IQGAP1: variants seen among roughly 807,000 people sequenced by gnomAD.
The protein encoded by IQGAP1 is IQ motif containing GTPase activating protein 1.
IQGAP1 carries 66 observed loss-of-function variants against 215.6 expected under a neutral mutation model. The observed-to-expected ratio is 0.31, with a 90% confidence interval of 0.25 to 0.38. The LOEUF (loss-of-function observed/expected upper bound fraction) is 0.38. Ranked by LOEUF, IQGAP1 falls within the 10% of genes least tolerant of loss-of-function variation. The probability of loss-of-function intolerance (pLI) is 1.00; values close to 1 mark genes in which losing one functional copy is unlikely to be tolerated. For missense variants in IQGAP1, 1,712 were observed against 1,997.1 expected (o/e 0.86, Z 2.72); for synonymous variants, 772 against 728.7 (o/e 1.06, Z -0.96).
At position 90,486,117 on chromosome 15, in the gene IQGAP1, A is replaced by T. The variant is rs753502137; in HGVS notation, c.4009A>T (p.Ile1337Phe). 28 of 1,613,208 alleles carry T rather than the reference A, an allele frequency of 1.7e-5. No homozygotes were observed. The South Asian group carries it at 2.4e-4, about 14-fold the overall frequency. Residue 1337 changes from isoleucine (I) to phenylalanine (F), a missense_variant, in exon 31 of 38, where the codon ATC (isoleucine) becomes TTC (phenylalanine). Physicochemically the swap from Ile to Phe is conservative, Grantham distance 21. Around this residue, in one of 2 missense-constraint regions of IQGAP1, gnomAD observed 691 missense variants for 923.0 expected, o/e 0.75. Coordinates refer to ENST00000268182, the MANE Select transcript of IQGAP1 (RefSeq NM_003870.4). The stretch of plus-strand genomic sequence containing the variant: ...GGACGACCTCGGCGAGGTGCCCACC[A>T]TCGAGTCCCTGATAGGTAGAGTTCT... ...LLDDLGEVPT[I>F]ESLIGESSGN... is the part of the protein sequence containing the mutation.
intron 2 of IQGAP1, among the ~76,000 whole-genome samples, chr15:90,424,158 G>A (rs1596259648): frequency 6.6e-6 from 1 of 151,982 alleles, no homozygotes; most frequent in East Asian, 1.9e-4. Context: ...GTAGTTGTTT[G>A]CCAGAATGAT....
At chr15:90,485,947 G>A in intron 30 of IQGAP1, 83 bp from the exon 31 acceptor site, 1 of 1,015,468 alleles carries the variant, frequency 9.8e-7, no homozygotes, top group Non-Finnish European at 1.5e-6. Context: ...GAACCTCTTT[G>A]TGCAGATCAT....
At chr15:90,407,312 A>C (rs892017941) in intron 2 of IQGAP1, among the ~76,000 whole-genome samples, 3 of 152,242 alleles carry the variant, frequency 2.0e-5, no homozygotes, top group African/African-American at 7.2e-5. Flanking sequence ...AAGATTTAGA[A>C]GAAATATAAA....
chr15:90,495,387 A>G (rs1966257865), intron 36 of IQGAP1, among the ~76,000 whole-genome samples: 2 of 152,152 alleles, frequency 1.3e-5, no homozygotes, highest in African/African-American at 4.8e-5. Flanking sequence ...GGGGGGGAAA[A>G]AAAACAACTT....
At chr15:90,420,299 T>C (rs1965114536) in intron 2 of IQGAP1, among the ~76,000 whole-genome samples, 2 of 152,166 alleles carry the variant, frequency 1.3e-5, no homozygotes, top group Admixed American at 1.3e-4. Context: ...GCTGTCTTTC[T>C]CGGTAAGTGC....
chr15:90,485,434 T>G (rs1966113495), intron 30 of IQGAP1, among the ~76,000 whole-genome samples: 1 of 151,902 alleles, frequency 6.6e-6, no homozygotes, highest in Non-Finnish European at 1.5e-5. Context: ...TTTTTTGTGT[T>G]TGTTTGTTTT....
intron 9 of IQGAP1, among the ~76,000 whole-genome samples, chr15:90,447,735 C>T (rs527992862): frequency 5.9e-5 from 9 of 151,886 alleles, no homozygotes; most frequent in Non-Finnish European, 1.3e-4. Context: ...GTTTTTTTTA[C>T]AATATATAAA....
chr15:90,437,514 A>G (rs1448647438), intron 5 of IQGAP1, among the ~76,000 whole-genome samples: 1 of 152,124 alleles, frequency 6.6e-6, no homozygotes, highest in Non-Finnish European at 1.5e-5. Flanking sequence ...GTATAAAAAT[A>G]TATAGAAAGT....
At position 90,390,209 on chromosome 15, in the gene IQGAP1, C is replaced by T. The variant is rs149478803; in HGVS notation, c.56-565C>T. Among the ~76,000 whole-genome samples, 1,408 of 152,284 alleles carry T rather than the reference C, an allele frequency of 9.2e-3. 17 individuals carry two copies. The highest frequency in any genetic ancestry group is 0.032 in the African/African-American group (1,312 of 41,568). On this transcript the variant is annotated intron_variant, in intron 1 of 37. Coordinates refer to ENST00000268182, the MANE Select transcript of IQGAP1 (RefSeq NM_003870.4). ...TGGTGCCCATGAAGGAAGCAGATTG[C>T]TTCAAGGTTAAGCTCAGGCTTTGGA... is the stretch of plus-strand genomic sequence containing the variant.
At position 90,483,560 on chromosome 15, in the gene IQGAP1, A is replaced by G. The variant is rs1465859812; in HGVS notation, c.3755A>G (p.Asn1252Ser). Residue 1252 changes from asparagine (N) to serine (S), a missense_variant, in exon 29 of 38, where the codon AAT (asparagine) becomes AGT (serine). Physicochemically the swap from Asn to Ser is conservative, Grantham distance 46. Around this residue, in one of 2 missense-constraint regions of IQGAP1, gnomAD observed 691 missense variants for 923.0 expected, o/e 0.75. Coordinates refer to ENST00000268182, the MANE Select transcript of IQGAP1 (RefSeq NM_003870.4). ...LGDNAHLSII[N>S]EYLSQSYQKF... ...GATAATGCCCACTTAAGCATCATTA[A>G]TGAATATCTTTCCCAGTCCTACCAG... 6 of 1,613,568 alleles carry G rather than the reference A, an allele frequency of 3.7e-6. No homozygotes were observed. The highest frequency in any genetic ancestry group is 5.1e-6 in the Non-Finnish European group (6 of 1,179,832).
At chr15:90,462,127 C>T (rs1266656563) in intron 15 of IQGAP1, among the ~76,000 whole-genome samples, 1 of 152,086 alleles carries the variant, frequency 6.6e-6, no homozygotes. Flanking sequence ...AAGATCGGGC[C>T]ACTGCACTCC....
intron 2 of IQGAP1, among the ~76,000 whole-genome samples, chr15:90,418,267 A>G (rs1031558492): frequency 1.3e-5 from 2 of 152,172 alleles, no homozygotes; most frequent in African/African-American, 4.8e-5. Flanking sequence ...ACTTTAAAAA[A>G]TAGAATAAAT....
At chr15:90,483,656 A>T (rs1036541344) in intron 29 of IQGAP1, 63 bp downstream of exon 29, 2 of 1,209,282 alleles carry the variant, frequency 1.7e-6, no homozygotes, top group African/African-American at 3.0e-5. Flanking sequence ...TTGAGGGGAA[A>T]AATAAGATTA....
Position 90,482,329 on chromosome 15 carries a change from A to G in IQGAP1, c.3555+48A>G, listed in dbSNP as rs372183790. The G allele has an allele frequency of 1.6e-4, 247 of 1,571,290 alleles. 1 individual carries two copies. The African/African-American group carries it at 1.7e-3, about 11-fold the overall frequency. ...ACTCCTGCCCTTTGAGGACAAAGCAATAAAACCAGGGCTGACCATAGATCA... is the reference window on the plus strand; with the variant it reads ...ACTCCTGCCCTTTGAGGACAAAGCAGTAAAACCAGGGCTGACCATAGATCA... On this transcript the variant is annotated intron_variant, in intron 28 of 37. Transcript: ENST00000268182.
chr15:90,389,578 C>A (rs915996540), intron 1 of IQGAP1, among the ~76,000 whole-genome samples: 2 of 151,952 alleles, frequency 1.3e-5, no homozygotes, highest in African/African-American at 4.8e-5. Flanking sequence ...ATGATCCCCA[C>A]GCCTCGACCT....
At chr15:90,416,451 C>G (rs1965049861) in intron 2 of IQGAP1, among the ~76,000 whole-genome samples, 2 of 152,148 alleles carry the variant, frequency 1.3e-5, no homozygotes. Flanking sequence ...AATGGTATTT[C>G]TAGTTCTAGA....
rs1966094278 is a variant in IQGAP1, at chr15:90,484,131, CT to C, written c.3789-88del. ...AACTGTTGACTGGCTTCTGTTTGCA[CT>C]CATTGTGTGAGAGGTTTGTGAAATG... On this transcript the variant is annotated intron_variant, in intron 29 of 37. Transcript: ENST00000268182. 4.3e-6 allele frequency: 5 copies of C among 1,169,378 alleles called. No homozygotes were observed. The Admixed American group carries it at 1.0e-4, about 24-fold the overall frequency. The allele number at this position is 1,169,378 out of a possible 1,614,324, so 72.4% of individuals were successfully genotyped here.
At chr15:90,468,521 T>C (rs764494976) in intron 18 of IQGAP1, among the ~76,000 whole-genome samples, 1 of 152,198 alleles carries the variant, frequency 6.6e-6, no homozygotes, top group Non-Finnish European at 1.5e-5. Context: ...TTGTACTGAT[T>C]GTTGGTATCA....
At chr15:90,432,503 T>C (rs2151016205) in intron 4 of IQGAP1, among the ~76,000 whole-genome samples, 1 of 152,338 alleles carries the variant, frequency 6.6e-6, no homozygotes, top group East Asian at 1.9e-4. Context: ...GTCCTGCTTA[T>C]CAAGTTCAGA....
Sources: allele counts gnomAD v4.1 joint callset (sites outside exome capture counted in the v4.1 genomes callset), GRCh38; gene constraint gnomAD v4.1.1; regional missense constraint gnomAD v4.1.1; transcripts MANE v1.5; gene names NCBI Gene and HGNC (gene_info 2026-07-23, HGNC 2026-07-21).